AXDND1: variants seen among roughly 807,000 people sequenced by gnomAD.
AXDND1 encodes axonemal dynein light chain domain-containing protein 1.
AXDND1 carries 110 observed loss-of-function variants against 137.5 expected under a neutral mutation model. The observed-to-expected ratio is 0.80, with a 90% CI of 0.69 to 0.94. AXDND1 has a LOEUF of 0.94. Ranked by LOEUF, AXDND1 falls within the 40% of genes least tolerant of loss-of-function variation. The pLI, the probability that AXDND1 is intolerant of heterozygous loss-of-function variation, is 0.00. For synonymous variants in AXDND1, 414 were observed against 399.7 expected, an observed-to-expected ratio of 1.04 and a Z score of -0.43; for missense variants, 1,191 against 1,169.8, an observed-to-expected ratio of 1.02 and a Z score of -0.26.
intron 15 of AXDND1, among the ~76,000 whole-genome samples, chr1:179,442,493 C>T (rs1429543600): frequency 6.6e-6 from 1 of 152,158 alleles, no homozygotes; most frequent in Non-Finnish European, 1.5e-5. Flanking sequence ...ATGGGTTATG[C>T]GTAATAACCT....
At chr1:179,378,488 G>C (rs1354991507) in intron 4 of AXDND1, 149 bp from the exon 5 acceptor site, 4 of 435,146 alleles carry the variant, frequency 9.2e-6, no homozygotes, top group Non-Finnish European at 1.5e-5. Flanking sequence ...TAATGCCTCA[G>C]TCTTAGTAAA....
rs1664941507 is a variant in AXDND1, at chr1:179,478,700, G to T, written c.1998-4428G>T. On this transcript the variant is annotated intron_variant, in intron 17 of 25. Transcript: ENST00000367618. Reference sequence around the variant, plus strand: ...CATTTGGCTCCTCATTACTTATGCAGATTTCTGCAGCTGTCTTCAATTTCT... The same window carrying T: ...CATTTGGCTCCTCATTACTTATGCATATTTCTGCAGCTGTCTTCAATTTCT... Among the ~76,000 whole-genome samples the T allele has an allele frequency of 2.0e-5, 3 of 152,226 alleles. No homozygotes were observed. In the East Asian group the frequency reaches 5.8e-4, roughly 29 times the overall value.
rs1415606655 is a variant in AXDND1 at position 179,458,688 on chromosome 1, TA to T, written c.1799-9751del. Among the ~76,000 whole-genome samples, 5 of 152,148 alleles carry T rather than the reference TA, an allele frequency of 3.3e-5. No individual in the cohort carries two copies. In the East Asian group the frequency reaches 9.6e-4, roughly 29 times the overall value. The stretch of plus-strand genomic sequence containing the variant: ...ATAAGAGATGCTGCAATTGTTTTGT[TA>T]AAATACAGCATATTCTCAAGAAAAA... On this transcript the variant is annotated intron_variant, in intron 16 of 25. Coordinates refer to ENST00000367618, the MANE Select transcript of AXDND1 (RefSeq NM_144696.6).
chr1:179,552,319 A>AG (rs1673404401), intron 25 of AXDND1: 2 of 494,536 alleles, frequency 4.0e-6, no homozygotes, highest in East Asian at 3.8e-5. Context: ...ACTAGAGAAG[A>AG]GGGATTGATG....
At chr1:179,477,441 G>A (rs1664775850) in intron 17 of AXDND1, among the ~76,000 whole-genome samples, 1 of 152,100 alleles carries the variant, frequency 6.6e-6, no homozygotes, top group African/African-American at 2.4e-5. Flanking sequence ...GAAGGTGAGA[G>A]GCCCATCTCA....
In AXDND1 at chr1:179,444,987, A is replaced by G. The variant is rs1269647961; in HGVS notation, c.1581A>G (p.Lys527=). Residue 527 remains lysine, a synonymous_variant, in exon 16 of 26, where the codon AAA becomes AAG. Transcript: ENST00000367618. ...KQWQKILNEK[K]EEFTGDVLLS... Reference sequence around the variant, plus strand: ...CTCTTTAGATCCTGAATGAGAAAAAAGAAGAGTTTACTGGGGATGTTCTAC... The same window carrying G: ...CTCTTTAGATCCTGAATGAGAAAAAGGAAGAGTTTACTGGGGATGTTCTAC... 6.2e-7 allele frequency: 1 copy of G among 1,606,458 alleles called. No homozygotes were observed. The highest frequency in any genetic ancestry group is 8.5e-7 in the Non-Finnish European group (1 of 1,174,168).
intron 17 of AXDND1, among the ~76,000 whole-genome samples, chr1:179,471,791 C>G (rs368196069): frequency 9.2e-5 from 14 of 152,192 alleles, no homozygotes; most frequent in African/African-American, 3.4e-4. Flanking sequence ...TTAAGTTGAG[C>G]TGTTAGTTTA....
chr1:179,528,641 C>CTTT (rs34531104), intron 23 of AXDND1, among the ~76,000 whole-genome samples: 2,115 of 115,328 alleles, frequency 0.018, 74 homozygotes, highest in Middle Eastern at 0.049. Context: ...CTTTAAACCT[C>CTTT]TTTTTTTTTT....
At chr1:179,475,036 G>A (rs1664435545) in intron 17 of AXDND1, among the ~76,000 whole-genome samples, 1 of 150,714 alleles carries the variant, frequency 6.6e-6, no homozygotes, top group African/African-American at 2.4e-5. Flanking sequence ...TGCTTCAAAA[G>A]GTGGTCTTGG....
chr1:179,479,868 G>A (rs1665143196), intron 17 of AXDND1, among the ~76,000 whole-genome samples: 1 of 152,128 alleles, frequency 6.6e-6, no homozygotes, highest in South Asian at 2.1e-4. Flanking sequence ...TCTAAGACAG[G>A]GGCAAAATGC....
chr1:179,421,238 A>T (rs1655661513), intron 12 of AXDND1, among the ~76,000 whole-genome samples: 1 of 151,474 alleles, frequency 6.6e-6, no homozygotes, highest in Non-Finnish European at 1.5e-5. Context: ...TAAATTTCGA[A>T]GTCAGGTAGT....
chr1:179,471,361 T>C (rs1663910449), intron 17 of AXDND1, among the ~76,000 whole-genome samples: 2 of 152,334 alleles, frequency 1.3e-5, no homozygotes, highest in South Asian at 4.1e-4. Flanking sequence ...GGGTAGGTTT[T>C]TGAGAATTGA....
At chr1:179,438,849 T>C (rs1658587153) in intron 15 of AXDND1, among the ~76,000 whole-genome samples, 1 of 152,228 alleles carries the variant, frequency 6.6e-6, no homozygotes. Flanking sequence ...TATTGGATAA[T>C]ATTCCAACCC....
At chr1:179,502,956 G>A (rs186282539) in intron 20 of AXDND1, among the ~76,000 whole-genome samples, 10 of 151,854 alleles carry the variant, frequency 6.6e-5, no homozygotes, top group Non-Finnish European at 1.0e-4. Context: ...TTAGCCAGGC[G>A]TGGTGGCGCA....
chr1:179,394,207 T>C (rs534022441), intron 10 of AXDND1, among the ~76,000 whole-genome samples, 164 bp downstream of exon 10: 47 of 152,212 alleles, frequency 3.1e-4, no homozygotes, highest in Non-Finnish European at 5.6e-4. Flanking sequence ...ATTGTAGATA[T>C]AGATATAGAT....
intron 22 of AXDND1, 26 bp from the exon 23 acceptor site, chr1:179,528,301 C>A: frequency 6.4e-7 from 1 of 1,557,602 alleles, no homozygotes; most frequent in Non-Finnish European, 8.8e-7. Context: ...AGCTTGCTAA[C>A]AGGTCCGCAT....
At chr1:179,456,986 T>G (rs1661497855) in intron 16 of AXDND1, 1 of 1,566,770 alleles carries the variant, frequency 6.4e-7, no homozygotes, top group East Asian at 2.2e-5. Flanking sequence ...GTGATGTTCT[T>G]CAGTGTCTTC....
At chr1:179,488,614 TTC>T (rs1572048711) in intron 18 of AXDND1, among the ~76,000 whole-genome samples, 2 of 94,326 alleles carry the variant, frequency 2.1e-5, no homozygotes, top group East Asian at 1.0e-3. Flanking sequence ...TTTTCTTTCT[TTC>T]TTTCTCTCTC....
chr1:179,535,129 C>A (rs1671411730), intron 25 of AXDND1, 167 bp downstream of exon 25: 3 of 1,019,662 alleles, frequency 2.9e-6, no homozygotes, highest in East Asian at 2.7e-5. Flanking sequence ...CTTATTCGGA[C>A]AACTCACAAA....
Sources: gnomAD v4.1 joint callset for allele counts (sites outside exome capture counted in the v4.1 genomes callset) on GRCh38, gnomAD v4.1.1 for gene constraint, MANE v1.5 for transcripts, NCBI Gene and HGNC (gene_info 2026-07-23, HGNC 2026-07-21) for gene names.